The following KIF1B variants were observed in gnomAD, a reference collection of about 807,000 sequenced individuals.
The protein encoded by KIF1B is kinesin family member 1B.
Under a neutral mutation model 241.9 loss-of-function variants are expected in KIF1B, and 76 were observed. That is an observed-to-expected ratio of 0.31 (90% CI 0.26 to 0.38). The LOEUF is 0.38. Ranked by LOEUF, KIF1B falls within the 10% of genes least tolerant of loss-of-function variation. The pLI, the probability that KIF1B is intolerant of heterozygous loss-of-function variation, is 1.00. For synonymous variants in KIF1B, 750 were observed against 796.7 expected (o/e 0.94, Z 0.99); for missense variants, 1,622 against 2,271.4 (o/e 0.71, Z 5.81).
chr1:10,214,266 C>A (rs894660581), intron 1 of KIF1B, among the ~76,000 whole-genome samples: 1 of 151,958 alleles, frequency 6.6e-6, no homozygotes, highest in African/African-American at 2.4e-5. Flanking sequence ...CAGGAACTCA[C>A]ACTTTACCAC....
intron 28 of KIF1B, among the ~76,000 whole-genome samples, chr1:10,336,157 CT>C (rs1320136096): frequency 1.3e-5 from 2 of 151,556 alleles, no homozygotes; most frequent in Admixed American, 1.3e-4. Flanking sequence ...AAAACTGATT[CT>C]TTTTTTTTGA....
chr1:10,226,118 G>C (rs17396340), intron 1 of KIF1B, among the ~76,000 whole-genome samples: 2 of 152,110 alleles, frequency 1.3e-5, no homozygotes, highest in African/African-American at 4.8e-5. Flanking sequence ...AGCCTAAAAG[G>C]TAATGGTGGT....
At position 10,245,678 on chromosome 1, in the gene KIF1B, A is replaced by G. The variant is rs183603772; in HGVS notation, c.107-10569A>G. 1.5e-3 allele frequency among the ~76,000 whole-genome samples: 229 copies of G among 152,332 alleles called. 6 individuals carry two copies. The East Asian group carries it at 0.037, about 24-fold the overall frequency. Reference sequence around the variant, plus strand: ...TTTAGGAAAACAGCCTTGAAACCTCATGGGATTTGGATGGTAACCAAGAGG... The same window carrying G: ...TTTAGGAAAACAGCCTTGAAACCTCGTGGGATTTGGATGGTAACCAAGAGG... On this transcript the variant is annotated intron_variant, in intron 2 of 48. Transcript: ENST00000676179.
At chr1:10,254,188 C>G (rs1308479873) in intron 2 of KIF1B, among the ~76,000 whole-genome samples, 1 of 152,136 alleles carries the variant, frequency 6.6e-6, no homozygotes, top group African/African-American at 2.4e-5. Context: ...ATAGTCAGTC[C>G]CTGAAATATA....
intron 22 of KIF1B, among the ~76,000 whole-genome samples, chr1:10,309,327 G>A (rs1224651008): frequency 6.6e-6 from 1 of 152,146 alleles, no homozygotes; most frequent in Non-Finnish European, 1.5e-5. Context: ...TGCTGTCGGA[G>A]AAACTGTTGG....
In KIF1B at chr1:10,378,390, C is replaced by T. The variant is rs1281278427; in HGVS notation, c.*1803C>T. The T allele has an allele frequency of 1.4e-6, 1 of 717,950 alleles. No individual in the cohort carries two copies. Among genetic ancestry groups the T allele is most frequent in the Non-Finnish European group, 2.6e-6 (1 of 385,190 alleles). The allele number at this position is 717,950 out of a possible 1,614,324, so 44.5% of individuals were successfully genotyped here. ...TCAGAGAAGATAAGTCTGTCTCTTT[C>T]AGCTGCCAGTAAGTTTTCCAGGATG... On this transcript the variant is annotated 3_prime_UTR_variant, in exon 49 of 49. Coordinates refer to ENST00000676179, the MANE Select transcript of KIF1B (RefSeq NM_001365951.3).
chr1:10,284,559 G>A (rs1649594716), intron 15 of KIF1B, among the ~76,000 whole-genome samples: 2 of 152,072 alleles, frequency 1.3e-5, no homozygotes, highest in East Asian at 1.9e-4. Context: ...GGTGGCACAC[G>A]CCTGTAATCC....
At chr1:10,238,564 G>A (rs1389047088) in intron 2 of KIF1B, among the ~76,000 whole-genome samples, 2 of 151,878 alleles carry the variant, frequency 1.3e-5, no homozygotes, top group Middle Eastern at 6.8e-3. Context: ...AATTAGCTGA[G>A]CATGGTGGTG....
chr1:10,364,396 G>T (rs986559862), intron 41 of KIF1B, among the ~76,000 whole-genome samples: 1 of 151,450 alleles, frequency 6.6e-6, no homozygotes, highest in Non-Finnish European at 1.5e-5. Flanking sequence ...GTAGAGATGG[G>T]GTTTCACTAT....
At chr1:10,312,570 C>G (rs1000367737) in intron 22 of KIF1B, among the ~76,000 whole-genome samples, 5 of 151,532 alleles carry the variant, frequency 3.3e-5, no homozygotes, top group African/African-American at 4.9e-5. Context: ...ATCTCCTACC[C>G]GTCTCCCTAC....
At chr1:10,286,300 A>G (rs1649712865) in intron 15 of KIF1B, among the ~76,000 whole-genome samples, 1 of 152,178 alleles carries the variant, frequency 6.6e-6, no homozygotes, top group Non-Finnish European at 1.5e-5. Context: ...TCGGCCTCCC[A>G]AAGTGCTGGG....
intron 22 of KIF1B, among the ~76,000 whole-genome samples, chr1:10,311,031 AT>A (rs1287868834): frequency 2.0e-5 from 3 of 151,254 alleles, no homozygotes; most frequent in Non-Finnish European, 2.9e-5. Context: ...ACTGTCCTTG[AT>A]CCTCTCCTAG....
intron 1 of KIF1B, among the ~76,000 whole-genome samples, chr1:10,214,755 G>A (rs1055752280): frequency 4.6e-5 from 7 of 151,342 alleles, no homozygotes; most frequent in African/African-American, 1.7e-4. Flanking sequence ...GCTAATTTTT[G>A]TATTTTTAGT....
At chr1:10,347,947 G>A (rs372157512) in intron 36 of KIF1B, 120 bp downstream of exon 36, 5 of 818,186 alleles carry the variant, frequency 6.1e-6, no homozygotes, top group Admixed American at 2.4e-5. Context: ...GCGGGGCATT[G>A]TCCTGTTGTC....
At chr1:10,229,445 G>C (rs773393701) in intron 1 of KIF1B, among the ~76,000 whole-genome samples, 15 of 152,164 alleles carry the variant, frequency 9.9e-5, no homozygotes, top group Non-Finnish European at 1.2e-4. Flanking sequence ...TAGCAAACGA[G>C]ACAGGAGATC....
intron 27 of KIF1B, among the ~76,000 whole-genome samples, chr1:10,331,259 A>G (rs780688559): frequency 3.9e-5 from 6 of 152,344 alleles, no homozygotes; most frequent in Non-Finnish European, 8.8e-5. Flanking sequence ...GTATGTGTTG[A>G]CTTTGAAAGT....
intron 25 of KIF1B, 104 bp from the exon 26 acceptor site, chr1:10,324,653 CT>C (rs201407650): frequency 0.17 from 170,920 of 1,020,406 alleles, no homozygotes; most frequent in South Asian, 0.23. Context: ...GGAGCAACTC[CT>C]TTTTTTTTTT....
intron 38 of KIF1B, among the ~76,000 whole-genome samples, chr1:10,354,207 A>G (rs1410586262): frequency 6.6e-6 from 1 of 152,236 alleles, no homozygotes; most frequent in African/African-American, 2.4e-5. Context: ...GAATAACAAC[A>G]ACAACAAAAA....
At position 10,282,379 on chromosome 1, in the gene KIF1B, G is replaced by A. The variant is rs955206959; in HGVS notation, c.1280G>A (p.Arg427His). The change falls in exon 15 of 49, where the codon CGC (arginine) becomes CAC (histidine). Residue 427 changes from arginine to histidine, a missense_variant. Physicochemically the swap from Arg to His is conservative, Grantham distance 29. Around this residue, in one of 7 missense-constraint regions of KIF1B, gnomAD observed 201 missense variants for 301.2 expected, o/e 0.67. Transcript: ENST00000676179. Reference sequence around the variant, plus strand: ...TACTTGCTAGCCTCTGAGAATCAACGCCCTGGCCATTTTTCCACAGCATCC... The same window carrying A: ...TACTTGCTAGCCTCTGAGAATCAACACCCTGGCCATTTTTCCACAGCATCC... ...HRYLLASENQ[R>H]PGHFSTASMG... The A allele has an allele frequency of 1.1e-5, 18 of 1,613,930 alleles. 1 individual carries two copies. The highest frequency in any genetic ancestry group is 9.3e-6 in the Non-Finnish European group (11 of 1,180,006).
Sources: allele counts gnomAD v4.1 joint callset (sites outside exome capture counted in the v4.1 genomes callset), GRCh38; gene constraint gnomAD v4.1.1; regional missense constraint gnomAD v4.1.1; transcripts MANE v1.5; gene names NCBI Gene and HGNC (gene_info 2026-07-23, HGNC 2026-07-21).